Variants in DISC1 observed in about 807,000 individuals in gnomAD.
DISC1 encodes the protein disrupted in schizophrenia 1 protein.
In DISC1, 57 loss-of-function variants were observed where a neutral mutation model predicts 84.5. The observed-to-expected ratio is 0.67, with a 90% CI of 0.55 to 0.84. The LOEUF (loss-of-function observed/expected upper bound fraction) is 0.84. Ranked by LOEUF, DISC1 falls within the 40% of genes least tolerant of loss-of-function variation. The probability of loss-of-function intolerance (pLI) is 0.00; values close to 1 mark genes in which losing one functional copy is unlikely to be tolerated. For missense variants in DISC1, 1,000 were observed against 1,057.8 expected, an observed-to-expected ratio of 0.95 and a Z score of 0.76; for synonymous variants, 411 against 415.2, an observed-to-expected ratio of 0.99 and a Z score of 0.12.
chr1:231,937,039 G>A (rs201480387), intron 9 of DISC1, among the ~76,000 whole-genome samples: 1 of 152,140 alleles, frequency 6.6e-6, no homozygotes, highest in African/African-American at 2.4e-5. Context: ...GACAGAAAGA[G>A]TATCAGAAAA....
At chr1:232,030,645 G>A (rs750389891) in intron 12 of DISC1, among the ~76,000 whole-genome samples, 6 of 152,190 alleles carry the variant, frequency 3.9e-5, no homozygotes, top group Non-Finnish European at 5.9e-5. Flanking sequence ...CCACAGCTCC[G>A]TAGGACCCTT....
At chr1:231,747,030 G>A (rs1169266523) in intron 3 of DISC1, among the ~76,000 whole-genome samples, 1 of 152,134 alleles carries the variant, frequency 6.6e-6, no homozygotes, top group Admixed American at 6.6e-5. Flanking sequence ...CCCAGACTCA[G>A]GTGATCCTCC....
intron 8 of DISC1, among the ~76,000 whole-genome samples, chr1:231,815,502 G>A (rs1366526804): frequency 6.6e-6 from 1 of 152,152 alleles, no homozygotes; most frequent in Admixed American, 6.5e-5. Flanking sequence ...ACTTTGGAAG[G>A]CTGAGGTGGG....
chr1:231,737,602 A>G (rs1187482508), intron 3 of DISC1, among the ~76,000 whole-genome samples: 1 of 152,268 alleles, frequency 6.6e-6, no homozygotes, highest in African/African-American at 2.4e-5. Flanking sequence ...TTAAAGGCAC[A>G]ACAGGATTCA....
chr1:232,011,422 C>T (rs821627), intron 11 of DISC1, among the ~76,000 whole-genome samples: 72,271 of 151,976 alleles, frequency 0.48, 20,073 homozygotes, highest in African/African-American at 0.79. Flanking sequence ...GGGGACCTTA[C>T]AGCTTTTGCT....
rs36049009 is a variant in DISC1, at chr1:231,657,260, G to A, written c.67+30326G>A. 6.1e-3 allele frequency among the ~76,000 whole-genome samples: 935 copies of A among 152,266 alleles called. 3 individuals are homozygous for A. Among genetic ancestry groups the A allele is most frequent in the Non-Finnish European group, 0.01 (709 of 68,026 alleles). ...TTACACTCCCACCAACAATGTAAAAGCATTTCTTTTTCTCCACAACCTCAC... is the reference window on the plus strand; with the variant it reads ...TTACACTCCCACCAACAATGTAAAAACATTTCTTTTTCTCCACAACCTCAC... On this transcript the variant is annotated intron_variant, in intron 1 of 12. Transcript: ENST00000439617.
intron 2 of DISC1, among the ~76,000 whole-genome samples, chr1:231,697,283 A>T (rs767519326): frequency 2.6e-5 from 4 of 152,212 alleles, no homozygotes; most frequent in Non-Finnish European, 4.4e-5. Context: ...GCTTCTACTT[A>T]AGTAAAAATG....
At chr1:231,805,439 C>T (rs894979184) in intron 8 of DISC1, among the ~76,000 whole-genome samples, 7 of 151,250 alleles carry the variant, frequency 4.6e-5, no homozygotes, top group Non-Finnish European at 8.8e-5. Context: ...ACAATCATGG[C>T]GGAAGGTGAA....
At chr1:231,882,987 A>G (rs1208773877) in intron 9 of DISC1, among the ~76,000 whole-genome samples, 1 of 151,672 alleles carries the variant, frequency 6.6e-6, no homozygotes, top group Non-Finnish European at 1.5e-5. Context: ...CAAGCATAAG[A>G]CGGTTCTGCT....
At chr1:231,722,204 C>T (rs1039599399) in intron 3 of DISC1, among the ~76,000 whole-genome samples, 2 of 149,984 alleles carry the variant, frequency 1.3e-5, no homozygotes, top group Non-Finnish European at 3.0e-5. Context: ...AATGGTATCT[C>T]AGATATTTGG....
At chr1:231,684,687 A>G (rs1339307586) in intron 1 of DISC1, 1 of 152,172 alleles carries the variant, frequency 6.6e-6, no homozygotes, top group Admixed American at 6.5e-5. Context: ...CAAGCAGAAC[A>G]GTCATTCCAG....
intron 11 of DISC1, among the ~76,000 whole-genome samples, chr1:232,012,508 C>T (rs1002751196): frequency 2.0e-5 from 3 of 152,192 alleles, no homozygotes; most frequent in African/African-American, 7.2e-5. Context: ...TGTCTATTCG[C>T]TTTGCAGCTC....
intron 9 of DISC1, among the ~76,000 whole-genome samples, chr1:231,870,161 TG>T (rs912029880): frequency 1.2e-4 from 18 of 152,058 alleles, no homozygotes; most frequent in African/African-American, 3.9e-4. Context: ...CCATTTTGCC[TG>T]GGATCATCAG....
intron 1 of DISC1, among the ~76,000 whole-genome samples, chr1:231,642,565 A>G (rs1013720640): frequency 2.0e-5 from 3 of 152,238 alleles, no homozygotes; most frequent in African/African-American, 7.2e-5. Context: ...AACAACACAT[A>G]TAGGTAGGCT....
chr1:231,670,741 T>C (rs1257791320), intron 1 of DISC1: 2 of 152,182 alleles, frequency 1.3e-5, no homozygotes, highest in Non-Finnish European at 2.9e-5. Context: ...CTTGGTGCTT[T>C]GTATAAAGGA....
intron 9 of DISC1, among the ~76,000 whole-genome samples, chr1:231,836,252 AT>A (rs931707734): frequency 6.6e-6 from 1 of 151,996 alleles, no homozygotes; most frequent in Non-Finnish European, 1.5e-5. Flanking sequence ...TTACAGGACT[AT>A]TTTTTTCCTT....
intron 1 of DISC1, among the ~76,000 whole-genome samples, chr1:231,679,490 G>C (rs1265262767): frequency 6.6e-6 from 1 of 152,180 alleles, no homozygotes; most frequent in African/African-American, 2.4e-5. Flanking sequence ...GGATACAAAA[G>C]CTTTTAAGAG....
intron 1 of DISC1, among the ~76,000 whole-genome samples, chr1:231,656,404 G>A (rs1035756336): frequency 2.0e-5 from 3 of 152,006 alleles, no homozygotes; most frequent in African/African-American, 7.2e-5. Flanking sequence ...TAACTATTTG[G>A]CTTTATTTCT....
intron 3 of DISC1, among the ~76,000 whole-genome samples, chr1:231,717,854 G>A (rs1041533138): frequency 1.3e-5 from 2 of 152,044 alleles, no homozygotes; most frequent in Non-Finnish European, 2.9e-5. Context: ...AAAAAGACTT[G>A]AATTCATGGC....
Sources: allele counts gnomAD v4.1 joint callset (sites outside exome capture counted in the v4.1 genomes callset), GRCh38; gene constraint gnomAD v4.1.1; transcripts MANE v1.5; gene names NCBI Gene and HGNC (gene_info 2026-07-23, HGNC 2026-07-21).